The following HFM1 variants were observed in gnomAD, a reference collection of about 807,000 sequenced individuals.
The protein encoded by HFM1 is probable ATP-dependent DNA helicase HFM1.
A neutral mutation model predicts 192.1 loss-of-function variants in HFM1; 169 were observed. That is an observed-to-expected ratio of 0.88 (90% CI 0.78 to 1.00). The LOEUF (loss-of-function observed/expected upper bound fraction) is 1.00, where lower values mean the gene tolerates loss of function less well. Ranked by LOEUF, HFM1 falls within the 50% of genes least tolerant of loss-of-function variation. The probability of loss-of-function intolerance (pLI) is 0.00; values close to 1 mark genes in which losing one functional copy is unlikely to be tolerated. For synonymous variants in HFM1, 525 were observed against 537.8 expected (o/e 0.98, Z 0.33); for missense variants, 1,661 against 1,668.0 (o/e 1.00, Z 0.07).
intron 20 of HFM1, among the ~76,000 whole-genome samples, chr1:91,340,956 A>AGAC (rs1445656521): frequency 6.6e-6 from 1 of 152,210 alleles, no homozygotes; most frequent in Non-Finnish European, 1.5e-5. Context: ...AAGTTTTTAT[A>AGAC]GACCTACAAA....
intron 30 of HFM1, among the ~76,000 whole-genome samples, chr1:91,282,798 T>C (rs539863712): frequency 6.6e-6 from 1 of 152,342 alleles, no homozygotes; most frequent in African/African-American, 2.4e-5. Flanking sequence ...TGCAAGTTGC[T>C]GTTTTAAAAT....
rs376142463 is a variant in HFM1 at position 91,274,743 on chromosome 1, G to T, written c.3655C>A (p.Pro1219Thr). 4 of 1,517,584 alleles carry T rather than the reference G, an allele frequency of 2.6e-6. No individual in the cohort carries two copies. The African/African-American group carries it at 5.5e-5, about 21-fold the overall frequency. The allele number at this position is 1,517,584 out of a possible 1,614,324, so 94.0% of individuals were successfully genotyped here. ...EFGFTPKPSL[P>T]SISRSEYLNI... is the part of the protein sequence containing the mutation. ...TTATATTTGTACCTTGATATACTAG[G>T]AAGGGAAGGTTTTGGAGTAAAACCA... The change falls in exon 33 of 39, where the codon CCT becomes ACT. Residue 1219 changes from proline to threonine, a missense_variant. Pro to Thr is a conservative substitution (Grantham distance 38, BLOSUM62 -1). Coordinates refer to ENST00000370425, the MANE Select transcript of HFM1 (RefSeq NM_001017975.6).
At chr1:91,364,787 C>A (rs1394077589) in intron 13 of HFM1, among the ~76,000 whole-genome samples, 1 of 151,330 alleles carries the variant, frequency 6.6e-6, no homozygotes, top group Non-Finnish European at 1.5e-5. Context: ...GCACCAGCCA[C>A]CACGCCCGGC....
chr1:91,325,293 A>G (rs1652725794), intron 20 of HFM1, among the ~76,000 whole-genome samples: 1 of 152,218 alleles, frequency 6.6e-6, no homozygotes, highest in African/African-American at 2.4e-5. Context: ...TCTCTCAGAC[A>G]GTATCTCTGG....
At chr1:91,388,440 C>T (rs1422687503) in intron 4 of HFM1, among the ~76,000 whole-genome samples, 2 of 152,166 alleles carry the variant, frequency 1.3e-5, no homozygotes, top group Non-Finnish European at 2.9e-5. Flanking sequence ...TCAGTCAACA[C>T]CCAGTCTTTA....
At chr1:91,387,532 C>T (rs949876123) in intron 4 of HFM1, among the ~76,000 whole-genome samples, 5 of 152,090 alleles carry the variant, frequency 3.3e-5, no homozygotes, top group South Asian at 2.1e-4. Flanking sequence ...AGGACACCTG[C>T]GTTACCGTTT....
chr1:91,336,709 G>C (rs34809593), intron 20 of HFM1, among the ~76,000 whole-genome samples: 30,050 of 152,172 alleles, frequency 0.2, 3,713 homozygotes, highest in South Asian at 0.35. Context: ...AATACCATTT[G>C]ACCCAGCAAT....
At chr1:91,343,861 T>G (rs1655741671) in intron 19 of HFM1, among the ~76,000 whole-genome samples, 1 of 152,202 alleles carries the variant, frequency 6.6e-6, no homozygotes, top group African/African-American at 2.4e-5. Flanking sequence ...GTTAGGAAAC[T>G]AAAGAATAGA....
At chr1:91,354,025 T>G (rs1657374556) in intron 13 of HFM1, among the ~76,000 whole-genome samples, 1 of 150,404 alleles carries the variant, frequency 6.6e-6, no homozygotes, top group Admixed American at 6.6e-5. Context: ...ATTTGTAAAC[T>G]GTCTGAAAAG....
At chr1:91,265,078 C>T (rs965879792) in intron 36 of HFM1, among the ~76,000 whole-genome samples, 3 of 152,206 alleles carry the variant, frequency 2.0e-5, no homozygotes, top group African/African-American at 7.2e-5. Flanking sequence ...CTGTCTTTCT[C>T]ATTGGCCACC....
chr1:91,391,271 C>CA (rs1662952177), intron 4 of HFM1, among the ~76,000 whole-genome samples: 1 of 152,302 alleles, frequency 6.6e-6, no homozygotes, highest in East Asian at 1.9e-4. Flanking sequence ...CACAGGGAAC[C>CA]AAAACAGAGC....
Position 91,261,115 on chromosome 1 carries a change from A to C in HFM1, c.*175T>G. 2.7e-6 allele frequency: 1 copy of C among 373,788 alleles called. No homozygotes were observed. The highest frequency in any genetic ancestry group is 5.0e-6 in the Non-Finnish European group (1 of 201,030). The allele number at this position is 373,788 out of a possible 1,614,324, so 23.2% of individuals were successfully genotyped here. ...AAAGAGCTTTTCAAGAAGTTACAATATAATGGGAAAATAAATCGGCCCATA... is the reference window on the plus strand; with the variant it reads ...AAAGAGCTTTTCAAGAAGTTACAATCTAATGGGAAAATAAATCGGCCCATA... On this transcript the variant is annotated 3_prime_UTR_variant, in exon 39 of 39. Coordinates refer to ENST00000370425, the MANE Select transcript of HFM1 (RefSeq NM_001017975.6).
chr1:91,385,237 GAA>G lies in HFM1; in HGVS notation c.755-5_755-4del. On this transcript the variant is annotated splice_polypyrimidine_tract_variant and splice_region_variant and intron_variant, in intron 5 of 38. Transcript: ENST00000370425. ...ACCTAAACCATTTTCTGTTACCTCT[GAA>G]AAAAAAATGCTACATATTTATATAA... is the stretch of plus-strand genomic sequence containing the variant. 6 of 1,478,772 alleles carry G rather than the reference GAA, an allele frequency of 4.1e-6. No individual in the cohort carries two copies. The highest frequency in any genetic ancestry group is 5.6e-6 in the Non-Finnish European group (6 of 1,078,412). The allele number at this position is 1,478,772 out of a possible 1,614,324, so 91.6% of individuals were successfully genotyped here.
chr1:91,278,725 A>G (rs1462410342), intron 30 of HFM1, among the ~76,000 whole-genome samples: 2 of 152,180 alleles, frequency 1.3e-5, no homozygotes, highest in African/African-American at 4.8e-5. Context: ...GCTGGTCCTT[A>G]GAGCTGAACA....
At chr1:91,334,205 C>T (rs1438284910) in intron 20 of HFM1, among the ~76,000 whole-genome samples, 1 of 152,078 alleles carries the variant, frequency 6.6e-6, no homozygotes, top group African/African-American at 2.4e-5. Context: ...TGATTAGAAT[C>T]GCTGCTCCTC....
At chr1:91,400,513 A>T in intron 2 of HFM1, among the ~76,000 whole-genome samples, 2 of 146,856 alleles carry the variant, frequency 1.4e-5, no homozygotes, top group African/African-American at 5.0e-5. Context: ...ATAGAGTTTC[A>T]CTCTGTTGCT....
At chr1:91,367,747 G>T (rs918057956) in intron 13 of HFM1, among the ~76,000 whole-genome samples, 2 of 152,178 alleles carry the variant, frequency 1.3e-5, no homozygotes, top group Non-Finnish European at 2.9e-5. Flanking sequence ...GAACACAGCT[G>T]GACGGAGAAT....
At chr1:91,298,760 G>C (rs895990251) in intron 30 of HFM1, among the ~76,000 whole-genome samples, 187 of 152,126 alleles carry the variant, frequency 1.2e-3, no homozygotes, top group African/African-American at 3.5e-3. Flanking sequence ...TCACCACCAG[G>C]CCTGCCCTAA....
chr1:91,309,273 T>A (rs1378212686), intron 30 of HFM1, among the ~76,000 whole-genome samples: 3 of 152,208 alleles, frequency 2.0e-5, no homozygotes, highest in African/African-American at 7.2e-5. Context: ...CAGGACCAAC[T>A]GAATAAGAAA....
Sources: allele counts gnomAD v4.1 joint callset (sites outside exome capture counted in the v4.1 genomes callset), GRCh38; gene constraint gnomAD v4.1.1; transcripts MANE v1.5; gene names NCBI Gene and HGNC (gene_info 2026-07-23, HGNC 2026-07-21).